SGCZ: variants seen among roughly 807,000 people sequenced by gnomAD.
SGCZ encodes the protein sarcoglycan zeta.
A neutral mutation model predicts 41.3 loss-of-function variants in SGCZ; 40 were observed. That is an observed-to-expected ratio of 0.97 (90% CI 0.75 to 1.26). SGCZ has a LOEUF of 1.26. Among genes scored for constraint, SGCZ ranks in the 50% most tolerant of loss-of-function variants. The pLI, the probability that SGCZ is intolerant of heterozygous loss-of-function variation, is 0.00. For missense variants in SGCZ, 552 were observed against 369.8 expected, an observed-to-expected ratio of 1.49 and a Z score of -4.04; for synonymous variants, 206 against 137.5, an observed-to-expected ratio of 1.50 and a Z score of -3.49.
intron 2 of SGCZ, among the ~76,000 whole-genome samples, chr8:14,355,753 T>C (rs1271436353): frequency 6.6e-6 from 1 of 152,074 alleles, no homozygotes; most frequent in Non-Finnish European, 1.5e-5. Flanking sequence ...GTGTCTGGCA[T>C]ACTCAGTGTA....
intron 1 of SGCZ, among the ~76,000 whole-genome samples, chr8:14,805,985 G>A (rs1176156803): frequency 6.6e-6 from 1 of 150,592 alleles, no homozygotes; most frequent in East Asian, 2.0e-4. Context: ...TGACTACTGG[G>A]TACATAACGA....
intron 1 of SGCZ, among the ~76,000 whole-genome samples, chr8:14,971,148 G>A (rs547386382): frequency 6.6e-6 from 1 of 152,022 alleles, no homozygotes; most frequent in Non-Finnish European, 1.5e-5. Context: ...ATTGGTTCTA[G>A]TAACTTTTTA....
At chr8:14,115,677 T>G (rs1477211005) in intron 5 of SGCZ, among the ~76,000 whole-genome samples, 1 of 151,994 alleles carries the variant, frequency 6.6e-6, no homozygotes, top group East Asian at 1.9e-4. Flanking sequence ...TTTTTAATTT[T>G]TTTTTGTATA....
At chr8:14,508,940 A>T (rs1461880) in intron 2 of SGCZ, among the ~76,000 whole-genome samples, 72,683 of 151,480 alleles carry the variant, frequency 0.48, 17,672 homozygotes, top group East Asian at 0.65. Flanking sequence ...TTTTACAAAC[A>T]TCAAAATATG....
intron 1 of SGCZ, among the ~76,000 whole-genome samples, chr8:14,617,007 T>G (rs1042613164): frequency 2.2e-4 from 33 of 152,152 alleles, no homozygotes; most frequent in African/African-American, 7.5e-4. Flanking sequence ...TTGATGTATT[T>G]GTAGTAAGAA....
intron 7 of SGCZ, among the ~76,000 whole-genome samples, chr8:14,099,725 CA>C (rs147404301): frequency 1.3e-4 from 19 of 149,854 alleles, no homozygotes; most frequent in African/African-American, 2.5e-4. Context: ...GACTCTGTCT[CA>C]AAAAAAAATG....
Position 15,061,545 on chromosome 8 carries a change from G to A in SGCZ, c.39+176040C>T, listed in dbSNP as rs1024709773. ...TTACAGTATATAAAAAAAAAAAACA[G>A]GAAAAAATTAAAAATAAATAAATAA... is the stretch of plus-strand genomic sequence containing the variant. On this transcript the variant is annotated intron_variant, in intron 1 of 7. Transcript: ENST00000382080. Among the ~76,000 whole-genome samples, 49 of 144,506 alleles carry A rather than the reference G, an allele frequency of 3.4e-4. 1 individual carries two copies. Among genetic ancestry groups the A allele is most frequent in the Admixed American group, 2.4e-3 (36 of 14,754 alleles). The allele number at this position is 144,506 out of a possible 152,430, so 94.8% of individuals were successfully genotyped here. A position where few individuals can be genotyped will look rare whatever the true frequency, so the allele number is the denominator to read the frequency against.
intron 1 of SGCZ, among the ~76,000 whole-genome samples, chr8:15,199,541 A>C (rs1800830792): frequency 6.6e-6 from 1 of 152,202 alleles, no homozygotes; most frequent in South Asian, 2.1e-4. Context: ...ATTTTTAGCC[A>C]GGAGGGAAAG....
intron 1 of SGCZ, among the ~76,000 whole-genome samples, chr8:15,113,305 A>C (rs1807141775): frequency 6.6e-6 from 1 of 152,102 alleles, no homozygotes; most frequent in African/African-American, 2.4e-5. Flanking sequence ...TGAAAGCCCT[A>C]ATTTTACTTC....
intron 1 of SGCZ, among the ~76,000 whole-genome samples, chr8:15,138,503 G>A (rs118182761): frequency 0.023 from 3,504 of 152,132 alleles, 69 homozygotes; most frequent in Non-Finnish European, 0.033. Flanking sequence ...TAATCCCCAC[G>A]GGTCATGGGA....
chr8:15,146,168 C>G (rs1322182437), intron 1 of SGCZ, among the ~76,000 whole-genome samples: 3 of 151,688 alleles, frequency 2.0e-5, no homozygotes, highest in South Asian at 2.1e-4. Context: ...AATAGTAACT[C>G]CAGGAAAAAG....
intron 1 of SGCZ, among the ~76,000 whole-genome samples, chr8:14,791,597 A>G (rs1800955455): frequency 6.6e-6 from 1 of 152,176 alleles, no homozygotes; most frequent in Non-Finnish European, 1.5e-5. Flanking sequence ...CCCATCCCCA[A>G]TTTTTACATT....
At chr8:14,808,821 G>A (rs1801639995) in intron 1 of SGCZ, among the ~76,000 whole-genome samples, 1 of 151,732 alleles carries the variant, frequency 6.6e-6, no homozygotes, top group Admixed American at 6.6e-5. Context: ...CAAAGACTTG[G>A]AACCAAACCA....
chr8:14,092,566 A>C (rs953684800), intron 7 of SGCZ, among the ~76,000 whole-genome samples: 1 of 151,968 alleles, frequency 6.6e-6, no homozygotes, highest in Non-Finnish European at 1.5e-5. Flanking sequence ...GGAGGGACCC[A>C]GTGGGAGATA....
At chr8:15,214,917 C>T (rs2117169114) in intron 1 of SGCZ, among the ~76,000 whole-genome samples, 1 of 152,252 alleles carries the variant, frequency 6.6e-6, no homozygotes, top group African/African-American at 2.4e-5. Context: ...AGCGAAGTTG[C>T]AGATAATGAG....
intron 1 of SGCZ, among the ~76,000 whole-genome samples, chr8:15,150,987 G>C (rs540332536): frequency 2.0e-5 from 3 of 152,332 alleles, no homozygotes; most frequent in African/African-American, 7.2e-5. Context: ...GAACATGGCA[G>C]AAATTATGGG....
At chr8:14,246,123 T>C (rs1420288437) in intron 3 of SGCZ, among the ~76,000 whole-genome samples, 3 of 152,202 alleles carry the variant, frequency 2.0e-5, no homozygotes, top group African/African-American at 7.2e-5. Context: ...TTAGAAATCA[T>C]GCTGCTATAA....
chr8:14,128,585 A>G (rs1205779120), intron 5 of SGCZ, among the ~76,000 whole-genome samples: 1 of 152,192 alleles, frequency 6.6e-6, no homozygotes, highest in African/African-American at 2.4e-5. Context: ...ATTTTATCAA[A>G]AATACTTGTA....
chr8:14,749,062 A>T lies in SGCZ; in HGVS notation c.40-194136T>A, dbSNP rs555564848. On this transcript the variant is annotated intron_variant, in intron 1 of 7. Coordinates refer to ENST00000382080, the MANE Select transcript of SGCZ (RefSeq NM_139167.4). ...TTTTCATCCAATTTCTATCTAATGA[A>T]TTCTAATAGGTTAGCTCATTAAGTG... Among the ~76,000 whole-genome samples the T allele has an allele frequency of 5.9e-5, 9 of 152,270 alleles. No individual in the cohort carries two copies. In the South Asian group the frequency reaches 1.9e-3, roughly 32 times the overall value.
Sources: allele counts gnomAD v4.1 joint callset (sites outside exome capture counted in the v4.1 genomes callset), GRCh38; gene constraint gnomAD v4.1.1; transcripts MANE v1.5; gene names NCBI Gene and HGNC (gene_info 2026-07-23, HGNC 2026-07-21).